Variants in PRXL2C observed in about 807,000 individuals in gnomAD.
PRXL2C encodes peroxiredoxin like 2C.
Under a neutral mutation model 24.9 loss-of-function variants are expected in PRXL2C, and 38 were observed. The observed-to-expected ratio is 1.53, with a 90% CI of 1.18 to 2.00. The LOEUF is 2.00. Ranked by LOEUF, PRXL2C falls within the 30% of genes most tolerant of loss-of-function variation. PRXL2C has a pLI of 0.00. For synonymous variants in PRXL2C, 98 were observed against 117.2 expected (o/e 0.84, Z 1.06); for missense variants, 294 against 290.9 (o/e 1.01, Z -0.08).
rs538978330 is a variant in PRXL2C at position 96,649,884 on chromosome 9, T to C, written c.421+1506A>G. Among the ~76,000 whole-genome samples the C allele has an allele frequency of 1.8e-4, 27 of 152,330 alleles. No homozygotes were observed. The South Asian group carries it at 5.0e-3, about 28-fold the overall frequency. On this transcript the variant is annotated intron_variant, in intron 4 of 5. Coordinates refer to ENST00000375234, the MANE Select transcript of PRXL2C (RefSeq NM_153698.2). ...GGCTCAACATGAACTGGCTGTAACTTATCCCTTGGCTCACACCAATTCCCC... is the reference window on the plus strand; with the variant it reads ...GGCTCAACATGAACTGGCTGTAACTCATCCCTTGGCTCACACCAATTCCCC...
chr9:96,655,265 G>A lies in PRXL2C; in HGVS notation c.17C>T (p.Pro6Leu), dbSNP rs1409299855. 2.8e-6 allele frequency: 3 copies of A among 1,083,168 alleles called. No homozygotes were observed. The highest frequency in any genetic ancestry group is 1.0e-4 in the Admixed American group (2 of 19,098). 67.1% of individuals were successfully genotyped at this position (1,083,168 alleles called of 1,614,324 possible). A position where few individuals can be genotyped will look rare whatever the true frequency, so the allele number is the denominator to read the frequency against. MAAPA[P>L]VTRQVSGAAA... ...GGCGCCGCTAACCTGCCGCGTGACCGGGGCCGGCGCGGCCATGACGCGGGG... is the reference window on the plus strand; with the variant it reads ...GGCGCCGCTAACCTGCCGCGTGACCAGGGCCGGCGCGGCCATGACGCGGGG... The change falls in exon 1 of 6, where the codon CCG becomes CTG. Residue 6 changes from proline (P) to leucine (L), a missense_variant. By Grantham distance (98) the Pro-to-Leu change is moderately conservative (BLOSUM62 -3). Coordinates refer to ENST00000375234, the MANE Select transcript of PRXL2C (RefSeq NM_153698.2).
At chr9:96,645,155 C>T (rs572639472) in intron 5 of PRXL2C, among the ~76,000 whole-genome samples, 11 of 151,176 alleles carry the variant, frequency 7.3e-5, no homozygotes, top group Non-Finnish European at 1.3e-4. Context: ...GTGATCCGCC[C>T]GCCTTGGCCT....
At chr9:96,642,516 C>CA (rs1243049261) in intron 5 of PRXL2C, among the ~76,000 whole-genome samples, 1 of 150,374 alleles carries the variant, frequency 6.7e-6, no homozygotes, top group Non-Finnish European at 1.5e-5. Context: ...TAACTTAAAC[C>CA]ATTAGATTAA....
intron 1 of PRXL2C, 128 bp from the exon 2 acceptor site, chr9:96,654,901 G>C: frequency 8.2e-7 from 1 of 1,212,358 alleles, no homozygotes; most frequent in Non-Finnish European, 1.1e-6. Context: ...CGGCGGCTCG[G>C]GCGCCCGGCG....
At chr9:96,643,688 A>G (rs1433335091) in intron 5 of PRXL2C, among the ~76,000 whole-genome samples, 5 of 152,236 alleles carry the variant, frequency 3.3e-5, no homozygotes, top group Non-Finnish European at 5.9e-5. Context: ...TTCTGGGCTA[A>G]TGCATAGGAT....
Position 96,655,177 on chromosome 9 carries a change from G to C in PRXL2C, c.105C>G (p.Ala35=). ...DSGQPLAAAV[A]ELPVLDARGQ... is the part of the protein sequence containing the mutation. The stretch of plus-strand genomic sequence containing the variant: ...CGCGGGCGTCCAGCACCGGCAGCTC[G>C]GCCACGGCGGCCGCCAGGGGCTGCC... Residue 35 remains alanine, a synonymous_variant, in exon 1 of 6, where the codon GCC becomes GCG. Coordinates refer to ENST00000375234, the MANE Select transcript of PRXL2C (RefSeq NM_153698.2). The C allele has an allele frequency of 1.6e-6, 2 of 1,222,234 alleles. No homozygotes were observed. The highest frequency in any genetic ancestry group is 3.4e-5 in the South Asian group (1 of 29,014). The allele number at this position is 1,222,234 out of a possible 1,614,324, so 75.7% of individuals were successfully genotyped here.
Position 96,645,772 on chromosome 9 carries a change from T to A in PRXL2C, c.553+121A>T, listed in dbSNP as rs552192991. The stretch of plus-strand genomic sequence containing the variant: ...AGATTGCGCCACTGCACTCCAGCCT[T>A]GGCGACAGAGCGAGACTCCCTCTCG... On this transcript the variant is annotated intron_variant, in intron 5 of 5. Coordinates refer to ENST00000375234, the MANE Select transcript of PRXL2C (RefSeq NM_153698.2). 8 of 1,189,252 alleles carry A rather than the reference T, an allele frequency of 6.7e-6. No homozygotes were observed. The African/African-American group carries it at 1.3e-4, about 19-fold the overall frequency. The allele number at this position is 1,189,252 out of a possible 1,614,324, so 73.7% of individuals were successfully genotyped here.
At chr9:96,654,878 G>GCGGGGC (rs1031005043) in intron 1 of PRXL2C, 105 bp from the exon 2 acceptor site, 3 of 1,292,878 alleles carry the variant, frequency 2.3e-6, no homozygotes, top group Admixed American at 5.7e-5. Context: ...GGCGACGCCC[G>GCGGGGC]CGGGGCCGGG....
At chr9:96,652,918 T>C (rs901580002) in intron 2 of PRXL2C, among the ~76,000 whole-genome samples, 2 of 152,074 alleles carry the variant, frequency 1.3e-5, no homozygotes, top group Non-Finnish European at 2.9e-5. Flanking sequence ...TGTTCAACAA[T>C]GGATAAATAT....
At chr9:96,648,091 C>T (rs1176941367) in intron 4 of PRXL2C, among the ~76,000 whole-genome samples, 1 of 151,314 alleles carries the variant, frequency 6.6e-6, no homozygotes, top group Non-Finnish European at 1.5e-5. Context: ...TTTGTAGAGA[C>T]AGGGTCTGGC....
intron 2 of PRXL2C, among the ~76,000 whole-genome samples, chr9:96,653,007 C>T (rs1021758513): frequency 6.6e-6 from 1 of 152,078 alleles, no homozygotes; most frequent in Admixed American, 6.6e-5. Flanking sequence ...GCGGGCAGAT[C>T]ACGAGGTCAG....
At chr9:96,651,816 G>A in intron 2 of PRXL2C, 104 bp from the exon 3 acceptor site, 1 of 913,116 alleles carries the variant, frequency 1.1e-6, no homozygotes. Flanking sequence ...GCCACCTATA[G>A]GCTTCTAGAG....
At position 96,645,988 on chromosome 9, in the gene PRXL2C, C is replaced by T. The variant is rs927637738; in HGVS notation, c.458G>A (p.Gly153Glu). Residue 153 changes from glycine to glutamate, a missense_variant, in exon 5 of 6, where the codon GGA becomes GAA. By Grantham distance (98) the Gly-to-Glu change is moderately conservative (BLOSUM62 -2). Coordinates refer to ENST00000375234, the MANE Select transcript of PRXL2C (RefSeq NM_153698.2). ...SPHIKSNLLS[G>E]SLQSLWRAVT... ...TGCCCGCCACAGGCTCTGAAGGCTTCCTGAGAGTAGATTTGATTTTATGTG... is the reference window on the plus strand; with the variant it reads ...TGCCCGCCACAGGCTCTGAAGGCTTTCTGAGAGTAGATTTGATTTTATGTG... The T allele has an allele frequency of 1.2e-6, 2 of 1,613,070 alleles. No individual in the cohort carries two copies. The highest frequency in any genetic ancestry group is 1.7e-6 in the Non-Finnish European group (2 of 1,179,780).
chr9:96,650,875 G>A (rs915141853), intron 4 of PRXL2C, among the ~76,000 whole-genome samples: 1 of 152,024 alleles, frequency 6.6e-6, no homozygotes, highest in African/African-American at 2.4e-5. Flanking sequence ...GAACCACATT[G>A]AAAACACTTC....
At chr9:96,645,848 A>G (rs1848194175) in intron 5 of PRXL2C, 45 bp downstream of exon 5, 3 of 1,537,932 alleles carry the variant, frequency 2.0e-6, no homozygotes, top group Admixed American at 4.5e-5. Flanking sequence ...TGAACTTGTA[A>G]AAAGCACAAG....
At chr9:96,644,226 AG>A (rs1316882901) in intron 5 of PRXL2C, among the ~76,000 whole-genome samples, 7 of 152,168 alleles carry the variant, frequency 4.6e-5, no homozygotes, top group Non-Finnish European at 1.0e-4. Context: ...TTAAAGAGGA[AG>A]AAAAAACAAA....
Position 96,651,097 on chromosome 9 carries a change from G to A in PRXL2C, c.421+293C>T, listed in dbSNP as rs554214121. Reference sequence around the variant, plus strand: ...TTCGAGACCACCCTGGCAAACATGGGGAAACCCTGTCTCTACTAAAAATAT... The same window carrying A: ...TTCGAGACCACCCTGGCAAACATGGAGAAACCCTGTCTCTACTAAAAATAT... On this transcript the variant is annotated intron_variant, in intron 4 of 5. Transcript: ENST00000375234. Among the ~76,000 whole-genome samples the A allele has an allele frequency of 1.8e-4, 27 of 152,048 alleles. No individual in the cohort carries two copies. The South Asian group carries it at 5.2e-3, about 29-fold the overall frequency.
intron 5 of PRXL2C, among the ~76,000 whole-genome samples, chr9:96,645,528 T>C (rs1175931156): frequency 6.6e-6 from 1 of 151,718 alleles, no homozygotes; most frequent in Non-Finnish European, 1.5e-5. Context: ...TGGGGCGCGG[T>C]GGCTCATGCC....
chr9:96,646,577 T>G (rs1164652820), intron 4 of PRXL2C, among the ~76,000 whole-genome samples: 1 of 152,208 alleles, frequency 6.6e-6, no homozygotes, highest in Non-Finnish European at 1.5e-5. Flanking sequence ...CAGTCTTAGT[T>G]GCAGTTAGGC....
Sources: allele counts gnomAD v4.1 joint callset (sites outside exome capture counted in the v4.1 genomes callset), GRCh38; gene constraint gnomAD v4.1.1; transcripts MANE v1.5; gene names NCBI Gene and HGNC (gene_info 2026-07-23, HGNC 2026-07-21).